Variants in TYW1B observed in about 807,000 individuals in gnomAD.
TYW1B encodes S-adenosyl-L-methionine-dependent tRNA 4-demethylwyosine synthase TYW1B.
Under a neutral mutation model 86.9 loss-of-function variants are expected in TYW1B, and 73 were observed. That is an observed-to-expected ratio of 0.84 (90% CI 0.70 to 1.02). The LOEUF (loss-of-function observed/expected upper bound fraction) is 1.02. TYW1B is among the 50% of genes least tolerant of loss of function. The probability of loss-of-function intolerance (pLI) is 0.00; values close to 1 mark genes in which losing one functional copy is unlikely to be tolerated. For synonymous variants in TYW1B, 248 were observed against 292.8 expected (o/e 0.85, Z 1.56); for missense variants, 637 against 827.4 (o/e 0.77, Z 2.82).
chr7:72,637,760 A>T (rs1812707696), intron 11 of TYW1B, among the ~76,000 whole-genome samples: 1 of 149,680 alleles, frequency 6.7e-6, no homozygotes, highest in African/African-American at 2.4e-5. Context: ...ATTGATTTTT[A>T]ACCTATTTCC....
At chr7:72,628,458 C>T (rs1393696765) in intron 12 of TYW1B, among the ~76,000 whole-genome samples, 1 of 152,150 alleles carries the variant, frequency 6.6e-6, no homozygotes, top group African/African-American at 2.4e-5. Flanking sequence ...AACTCTGGGT[C>T]ATGAGTTGAT....
chr7:72,632,495 T>TA, intron 11 of TYW1B, among the ~76,000 whole-genome samples: 1 of 133,552 alleles, frequency 7.5e-6, no homozygotes, highest in African/African-American at 2.8e-5. Context: ...TACACATATA[T>TA]ACATATATAT....
intron 11 of TYW1B, among the ~76,000 whole-genome samples, chr7:72,687,691 CAAT>C (rs1294910963): frequency 6.6e-6 from 1 of 151,890 alleles, no homozygotes; most frequent in Non-Finnish European, 1.5e-5. Flanking sequence ...TTCAAAAGTT[CAAT>C]AATAGGCAAA....
intron 6 of TYW1B, among the ~76,000 whole-genome samples, chr7:72,787,919 A>G (rs1216631307): frequency 2.6e-5 from 4 of 152,176 alleles, no homozygotes; most frequent in African/African-American, 9.6e-5. Flanking sequence ...CTGTACATTT[A>G]GATCACCAAG....
intron 8 of TYW1B, among the ~76,000 whole-genome samples, chr7:72,741,928 A>C (rs1424259052): frequency 6.6e-6 from 1 of 152,218 alleles, no homozygotes; most frequent in Non-Finnish European, 1.5e-5. Context: ...TAAGACACTG[A>C]CAAATAAAGG....
intron 9 of TYW1B, among the ~76,000 whole-genome samples, chr7:72,725,374 T>C (rs1274316043): frequency 2.0e-5 from 3 of 152,112 alleles, no homozygotes; most frequent in African/African-American, 7.2e-5. Context: ...CTCCAGGATG[T>C]CCAGGAAACA....
In TYW1B at chr7:72,695,511, C is replaced by T. The variant is rs562123483; in HGVS notation, c.1371-689G>A. ...GTTTCCATGAATACCACTCATTCTC[C>T]GCTTCTCTCAAATTCACTGCCTCAT... On this transcript the variant is annotated intron_variant, in intron 10 of 13. Coordinates refer to ENST00000620995, the MANE Select transcript of TYW1B (RefSeq NM_001145440.3). Among the ~76,000 whole-genome samples the T allele has an allele frequency of 6.1e-4, 93 of 152,150 alleles. 1 individual carries two copies. In the South Asian group the frequency reaches 0.018, roughly 29 times the overall value.
At chr7:72,649,107 T>C (rs1469681039) in intron 11 of TYW1B, among the ~76,000 whole-genome samples, 2 of 152,150 alleles carry the variant, frequency 1.3e-5, no homozygotes, top group African/African-American at 4.8e-5. Flanking sequence ...AAATGACATG[T>C]GCCCTGAGAA....
At chr7:72,645,731 G>A (rs1470015980) in intron 11 of TYW1B, among the ~76,000 whole-genome samples, 2 of 151,980 alleles carry the variant, frequency 1.3e-5, no homozygotes, top group Non-Finnish European at 2.9e-5. Flanking sequence ...TCTACCTTAC[G>A]GTGTTAGCAA....
chr7:72,692,708 T>C (rs1814200941), intron 11 of TYW1B, among the ~76,000 whole-genome samples: 1 of 152,060 alleles, frequency 6.6e-6, no homozygotes. Context: ...AGAAAAGACT[T>C]TGCAGTAGTG....
intron 9 of TYW1B, among the ~76,000 whole-genome samples, chr7:72,718,429 T>C (rs1786831707): frequency 6.6e-6 from 1 of 152,132 alleles, no homozygotes; most frequent in African/African-American, 2.4e-5. Context: ...AATACACCGA[T>C]GTAAATAACA....
At chr7:72,603,000 C>T (rs1182656898) in intron 13 of TYW1B, among the ~76,000 whole-genome samples, 1 of 152,040 alleles carries the variant, frequency 6.6e-6, no homozygotes, top group East Asian at 1.9e-4. Flanking sequence ...GATTATAACC[C>T]TAGGTAAAAA....
At chr7:72,697,193 A>C (rs1814342166) in intron 10 of TYW1B, among the ~76,000 whole-genome samples, 1 of 152,166 alleles carries the variant, frequency 6.6e-6, no homozygotes, top group Non-Finnish European at 1.5e-5. Context: ...AAGATTATGA[A>C]CAGTACATTC....
chr7:72,762,930 G>A lies in TYW1B; in HGVS notation c.964+14486C>T, dbSNP rs1048543107. 4.6e-5 allele frequency among the ~76,000 whole-genome samples: 7 copies of A among 152,142 alleles called. No homozygotes were observed. In the East Asian group the frequency reaches 7.7e-4, roughly 17 times the overall value. On this transcript the variant is annotated intron_variant, in intron 7 of 13. Coordinates refer to ENST00000620995, the MANE Select transcript of TYW1B (RefSeq NM_001145440.3). ...CTGCCATGGCCTCCCAAAGTGCTGC[G>A]ATTACAGGCGTGAGCCACCACACCC...
intron 13 of TYW1B, among the ~76,000 whole-genome samples, chr7:72,605,846 G>C (rs1219827475): frequency 1.3e-5 from 2 of 152,090 alleles, no homozygotes; most frequent in African/African-American, 2.4e-5. Context: ...AAGAAAATGA[G>C]TTCACCTGGA....
At position 72,730,565 on chromosome 7, in the gene TYW1B, GAGAAAAGAAAA is replaced by G. The variant is rs1787084385; in HGVS notation, c.1083-1645_1083-1635del. Among the ~76,000 whole-genome samples, 5 of 147,476 alleles carry G rather than the reference GAGAAAAGAAAA, an allele frequency of 3.4e-5. 1 individual carries two copies. The South Asian group carries it at 1.1e-3, about 32-fold the overall frequency. On this transcript the variant is annotated intron_variant, in intron 8 of 13. Transcript: ENST00000620995. ...AAGGAAGGAAGAAAAAGAAGAAAAG[GAGAAAAGAAAA>G]AGAAAAGGAAAAGAAGAAGGAGGAG...
intron 8 of TYW1B, among the ~76,000 whole-genome samples, chr7:72,742,347 C>T (rs6979053): frequency 0.012 from 1,898 of 152,282 alleles, 37 homozygotes; most frequent in African/African-American, 0.043. Flanking sequence ...CCAGACAGAT[C>T]TTGAACCCCT....
At chr7:72,632,449 A>ATAT (rs1563038973) in intron 11 of TYW1B, among the ~76,000 whole-genome samples, 2 of 93,286 alleles carry the variant, frequency 2.1e-5, no homozygotes, top group African/African-American at 1.1e-4. Context: ...TATATATATA[A>ATAT]AATATATATA....
intron 6 of TYW1B, among the ~76,000 whole-genome samples, chr7:72,788,778 C>T (rs1788170953): frequency 6.6e-6 from 1 of 152,078 alleles, no homozygotes; most frequent in African/African-American, 2.4e-5. Context: ...GGTGATCTGC[C>T]TGCCTCAGCC....
Sources: allele counts gnomAD v4.1 joint callset (sites outside exome capture counted in the v4.1 genomes callset), GRCh38; gene constraint gnomAD v4.1.1; transcripts MANE v1.5; gene names NCBI Gene and HGNC (gene_info 2026-07-23, HGNC 2026-07-21).